LINGO2: variants seen among roughly 807,000 people sequenced by gnomAD.
The protein encoded by LINGO2 is leucine rich repeat and Ig domain containing 2, also known as leucine-rich repeat and immunoglobulin-like domain-containing nogo receptor-interacting protein 2.
A neutral mutation model predicts 30.6 loss-of-function variants in LINGO2; 14 were observed. The observed-to-expected ratio is 0.46, with a 90% CI of 0.30 to 0.72. The LOEUF (loss-of-function observed/expected upper bound fraction) is 0.72, where lower values mean the gene tolerates loss of function less well. Among genes scored for constraint, LINGO2 ranks in the 30% least tolerant of loss-of-function variants. LINGO2 has a pLI of 0.07. For missense variants in LINGO2, 729 were observed against 751.7 expected, an observed-to-expected ratio of 0.97 and a Z score of 0.35; for synonymous variants, 317 against 288.5, an observed-to-expected ratio of 1.10 and a Z score of -1.00.
At chr9:28,265,205 C>T (rs955293293) in intron 4 of LINGO2, among the ~76,000 whole-genome samples, 4 of 151,530 alleles carry the variant, frequency 2.6e-5, no homozygotes, top group Admixed American at 2.0e-4. Context: ...ACTCATATAT[C>T]TTACTGGTTT....
intron 1 of LINGO2, among the ~76,000 whole-genome samples, chr9:28,569,223 G>C (rs1823549173): frequency 2.6e-5 from 4 of 151,908 alleles, no homozygotes; most frequent in South Asian, 2.1e-4. Flanking sequence ...ATAGAAAACA[G>C]TATGGAGGTT....
the LINGO2 span, among the ~76,000 whole-genome samples, chr9:28,790,710 G>A: frequency 6.6e-6 from 1 of 152,034 alleles, no homozygotes; most frequent in Non-Finnish European, 1.5e-5. Context: ...AATTTTGAGA[G>A]ACAGATTACA....
At chr9:28,831,844 C>G in the LINGO2 span, among the ~76,000 whole-genome samples, 1 of 152,002 alleles carries the variant, frequency 6.6e-6, no homozygotes, top group Non-Finnish European at 1.5e-5. Context: ...GTTTTGTTTT[C>G]TGTATAAACA....
chr9:28,276,825 T>C (rs1823131190), intron 4 of LINGO2, among the ~76,000 whole-genome samples: 1 of 152,206 alleles, frequency 6.6e-6, no homozygotes, highest in Admixed American at 6.5e-5. Flanking sequence ...GACAAACTCT[T>C]TATGTCTAAT....
chr9:27,988,619 GTC>G (rs1821241346), intron 5 of LINGO2, among the ~76,000 whole-genome samples: 2 of 151,950 alleles, frequency 1.3e-5, no homozygotes, highest in Admixed American at 1.3e-4. Context: ...ATTTTTTCAT[GTC>G]TGTCGGCTGC....
chr9:28,980,404 T>C, the LINGO2 span, among the ~76,000 whole-genome samples: 1 of 152,076 alleles, frequency 6.6e-6, no homozygotes, highest in Non-Finnish European at 1.5e-5. Context: ...TCAGTGCTTC[T>C]CATCTCAATC....
intron 4 of LINGO2, among the ~76,000 whole-genome samples, chr9:28,275,916 T>C (rs558646015): frequency 1.6e-4 from 24 of 152,314 alleles, no homozygotes; most frequent in African/African-American, 5.0e-4. Flanking sequence ...AGAAAAGTAG[T>C]GGTCTGTGAA....
At chr9:28,395,536 A>G (rs1211865692) in intron 2 of LINGO2, among the ~76,000 whole-genome samples, 1 of 151,920 alleles carries the variant, frequency 6.6e-6, no homozygotes, top group African/African-American at 2.4e-5. Context: ...CAGAAGTGAA[A>G]AAAAAAATCA....
intron 4 of LINGO2, among the ~76,000 whole-genome samples, chr9:28,215,490 T>A (rs961141277): frequency 3.3e-5 from 5 of 151,810 alleles, no homozygotes; most frequent in Non-Finnish European, 7.4e-5. Flanking sequence ...CTTTATATTT[T>A]AAAAAAAGCA....
At chr9:28,778,771 A>C in the LINGO2 span, among the ~76,000 whole-genome samples, 1 of 152,332 alleles carries the variant, frequency 6.6e-6, no homozygotes, top group East Asian at 1.9e-4. Context: ...ACTCTCTGAT[A>C]GCTAAAATAG....
At chr9:28,711,674 A>T in the LINGO2 span, among the ~76,000 whole-genome samples, 9 of 152,134 alleles carry the variant, frequency 5.9e-5, no homozygotes, top group Non-Finnish European at 2.9e-5. Context: ...TTGCTTCTGG[A>T]GTCACACTCC....
the LINGO2 span, among the ~76,000 whole-genome samples, chr9:28,690,749 C>G: frequency 6.6e-6 from 1 of 152,086 alleles, no homozygotes; most frequent in African/African-American, 2.4e-5. Context: ...ATTGTTTCTT[C>G]CCCTCTCCTC....
chr9:28,632,878 ATG>A (rs1418397042), intron 1 of LINGO2, among the ~76,000 whole-genome samples: 1,107 of 76,250 alleles, frequency 0.015, 23 homozygotes, highest in Admixed American at 0.035. Context: ...ATATATATAT[ATG>A]TAGAGAGAGA....
the LINGO2 span, chr9:27,941,976 G>T: frequency 1.3e-5 from 2 of 152,082 alleles, no homozygotes; most frequent in African/African-American, 4.8e-5. Context: ...TTCAGTTCTT[G>T]CTCAAATAGA....
chr9:28,180,131 A>G (rs530879252), intron 4 of LINGO2, among the ~76,000 whole-genome samples: 4 of 152,252 alleles, frequency 2.6e-5, no homozygotes, highest in Admixed American at 6.5e-5. Context: ...TTAGGGAAAT[A>G]AAACCAGATA....
chr9:29,086,245 T>A, the LINGO2 span, among the ~76,000 whole-genome samples: 3 of 152,206 alleles, frequency 2.0e-5, no homozygotes, highest in Admixed American at 1.3e-4. Context: ...TAAGAGTTAA[T>A]TAAGAATAAT....
intron 5 of LINGO2, among the ~76,000 whole-genome samples, 190 bp from the exon 7 acceptor site, chr9:27,950,896 A>AT: frequency 6.6e-6 from 1 of 152,294 alleles, no homozygotes; most frequent in East Asian, 1.9e-4. Context: ...ATCTCTCTGC[A>AT]TTTTAGTTTT....
the LINGO2 span, among the ~76,000 whole-genome samples, chr9:29,192,943 G>T: frequency 2.0e-5 from 3 of 152,180 alleles, no homozygotes. Context: ...AGGCGTTGTG[G>T]TATCTTAGAG....
rs765051334 is a variant in LINGO2, at chr9:27,949,516, C to T, written c.1156G>A (p.Asp386Asn). Residue 386 changes from aspartate (D) to asparagine (N), a missense_variant, in exon 6 of 6, where the codon GAC becomes AAC. By Grantham distance (23) the Asp-to-Asn change is conservative (BLOSUM62 1). Coordinates refer to ENST00000379992, the Ensembl canonical transcript of LINGO2. ...TTGAAAGACCTCTCACGGATGGTGT[C>T]TGGGCCAGCACACATAGGTTGCTGG... 3.1e-6 allele frequency: 5 copies of T among 1,614,100 alleles called. No individual in the cohort carries two copies. In the South Asian group the frequency reaches 4.4e-5, roughly 14 times the overall value.
Sources: allele counts gnomAD v4.1 joint callset (sites outside exome capture counted in the v4.1 genomes callset), GRCh38; gene constraint gnomAD v4.1.1; transcripts MANE v1.5; gene names NCBI Gene and HGNC (gene_info 2026-07-23, HGNC 2026-07-21).